The following CCDC7 variants were observed in gnomAD, a reference collection of about 807,000 sequenced individuals.
The protein encoded by CCDC7 is coiled-coil domain-containing protein 7.
In CCDC7, 183 loss-of-function variants were observed where a neutral mutation model predicts 196.9. The ratio of observed to expected loss-of-function variants is 0.93; its 90% confidence interval spans 0.82 to 1.05. The LOEUF (loss-of-function observed/expected upper bound fraction) is 1.05. Ranked by LOEUF, CCDC7 falls within the 50% of genes least tolerant of loss-of-function variation. The probability of loss-of-function intolerance (pLI) is 0.00; values close to 1 mark genes in which losing one functional copy is unlikely to be tolerated. For missense variants in CCDC7, 1,540 were observed against 1,482.2 expected, an observed-to-expected ratio of 1.04 and a Z score of -0.64; for synonymous variants, 525 against 484.6, an observed-to-expected ratio of 1.08 and a Z score of -1.10.
rs117084461 is a variant in CCDC7, at chr10:32,460,643, G to A, written c.457-2040G>A. Among the ~76,000 whole-genome samples the A allele has an allele frequency of 7.9e-3, 1,210 of 152,202 alleles. 6 individuals carry two copies. The highest frequency in any genetic ancestry group is 0.02 in the Middle Eastern group (6 of 294). ...GTGGACATTATTTCTAAACACTTAC[G>A]TAGCTGAAAATATTTTTCTTCTGAC... is the stretch of plus-strand genomic sequence containing the variant. On this transcript the variant is annotated intron_variant, in intron 3 of 41. Transcript: ENST00000639629.
At chr10:32,788,475 T>C (rs2082199582) in intron 29 of CCDC7, among the ~76,000 whole-genome samples, 1 of 152,168 alleles carries the variant, frequency 6.6e-6, no homozygotes, top group Non-Finnish European at 1.5e-5. Flanking sequence ...CAGATACTGG[T>C]ACAGGCCTGC....
chr10:32,713,716 C>G (rs995748664), intron 25 of CCDC7, among the ~76,000 whole-genome samples: 2 of 152,200 alleles, frequency 1.3e-5, no homozygotes, highest in Admixed American at 1.3e-4. Context: ...TGTTTGGTGA[C>G]CAATCTCATA....
chr10:32,823,050 C>T (rs1206999199), intron 31 of CCDC7, among the ~76,000 whole-genome samples: 1 of 152,132 alleles, frequency 6.6e-6, no homozygotes, highest in Non-Finnish European at 1.5e-5. Context: ...AGCTGAAATA[C>T]ATCTGTTAAT....
intron 21 of CCDC7, among the ~76,000 whole-genome samples, chr10:32,669,283 C>T (rs1054419581): frequency 3.9e-5 from 6 of 151,966 alleles, no homozygotes; most frequent in Non-Finnish European, 8.8e-5. Flanking sequence ...AATGTGCTGT[C>T]GAATTTAGTT....
chr10:32,566,771 G>T (rs933233092), intron 14 of CCDC7, among the ~76,000 whole-genome samples: 1 of 151,022 alleles, frequency 6.6e-6, no homozygotes, highest in Admixed American at 6.6e-5. Flanking sequence ...AACTGACTGG[G>T]TGTGGTGGTG....
At chr10:32,839,560 C>G (rs377120752) in intron 33 of CCDC7, among the ~76,000 whole-genome samples, 60 of 151,924 alleles carry the variant, frequency 3.9e-4, no homozygotes, top group African/African-American at 1.4e-3. Flanking sequence ...TAGTGGGGGA[C>G]TTTAATACTC....
intron 8 of CCDC7, among the ~76,000 whole-genome samples, chr10:32,486,817 G>A (rs2041194693): frequency 6.6e-6 from 1 of 151,168 alleles, no homozygotes; most frequent in East Asian, 2.0e-4. Flanking sequence ...TTGAATATTG[G>A]CCCCCACTCT....
At chr10:32,646,704 T>C (rs960718964) in intron 20 of CCDC7, among the ~76,000 whole-genome samples, 1 of 152,248 alleles carries the variant, frequency 6.6e-6, no homozygotes, top group African/African-American at 2.4e-5. Flanking sequence ...GTAAGCATAG[T>C]ACTACATAGG....
intron 24 of CCDC7, among the ~76,000 whole-genome samples, chr10:32,696,704 G>T (rs537490191): frequency 6.6e-6 from 1 of 152,132 alleles, no homozygotes; most frequent in South Asian, 2.1e-4. Context: ...AGTCCTTATT[G>T]TTGGGTAACC....
intron 28 of CCDC7, among the ~76,000 whole-genome samples, chr10:32,772,725 T>A (rs1220474320): frequency 6.6e-6 from 1 of 152,178 alleles, no homozygotes; most frequent in Admixed American, 6.5e-5. Context: ...CTGCTCCTAC[T>A]TTTATATTCC....
At chr10:32,508,081 T>C in intron 9 of CCDC7, among the ~76,000 whole-genome samples, 1 of 152,140 alleles carries the variant, frequency 6.6e-6, no homozygotes, top group East Asian at 1.9e-4. Context: ...ATAGAAGAAG[T>C]AAAATCATGT....
chr10:32,811,587 T>A (rs897808033), intron 30 of CCDC7, among the ~76,000 whole-genome samples: 2 of 151,938 alleles, frequency 1.3e-5, no homozygotes, highest in African/African-American at 4.8e-5. Flanking sequence ...TAGAGAGAGG[T>A]CTAGAAATGT....
intron 11 of CCDC7, among the ~76,000 whole-genome samples, chr10:32,526,333 T>A (rs1358968320): frequency 6.6e-6 from 1 of 152,132 alleles, no homozygotes; most frequent in Non-Finnish European, 1.5e-5. Flanking sequence ...CTGGCCCAGG[T>A]AAGGTCCAGA....
At position 32,640,269 on chromosome 10, in the gene CCDC7, TA is replaced by T. The variant is rs958615548; in HGVS notation, c.2014+5114del. 5.6e-4 allele frequency among the ~76,000 whole-genome samples: 85 copies of T among 152,332 alleles called. No individual in the cohort carries two copies. The Middle Eastern group carries it at 0.014, about 24-fold the overall frequency. On this transcript the variant is annotated intron_variant, in intron 20 of 41. Transcript: ENST00000639629. Reference sequence around the variant, plus strand: ...ATTTAGGATAGTCAGCTCTTCTTGTTAAATTGATCCCTTTACCATTATGTAA... The same window carrying T: ...ATTTAGGATAGTCAGCTCTTCTTGTTAATTGATCCCTTTACCATTATGTAA...
chr10:32,709,414 A>G (rs1300783066), intron 24 of CCDC7, among the ~76,000 whole-genome samples: 1 of 152,150 alleles, frequency 6.6e-6, no homozygotes, highest in Non-Finnish European at 1.5e-5. Flanking sequence ...GCACATGTAT[A>G]CATATGTAAT....
At chr10:32,670,006 T>C (rs903275340) in intron 21 of CCDC7, among the ~76,000 whole-genome samples, 6 of 152,136 alleles carry the variant, frequency 3.9e-5, no homozygotes, top group African/African-American at 4.8e-5. Context: ...GATGATCAAA[T>C]GTCTATTACA....
chr10:32,743,987 G>A (rs2074253373), intron 28 of CCDC7, among the ~76,000 whole-genome samples: 4 of 116,242 alleles, frequency 3.4e-5, no homozygotes, highest in Non-Finnish European at 6.8e-5. Context: ...GGGGCCTGTT[G>A]TGGGGTGGGG....
chr10:32,685,846 T>C (rs2076406052), intron 21 of CCDC7, 124 bp from the exon 23 acceptor site: 1 of 575,574 alleles, frequency 1.7e-6, no homozygotes, highest in African/African-American at 2.0e-5. Context: ...TATTGTAATT[T>C]AGTTATAACT....
intron 8 of CCDC7, among the ~76,000 whole-genome samples, chr10:32,481,192 C>T (rs891717620): frequency 6.6e-6 from 1 of 152,172 alleles, no homozygotes; most frequent in Non-Finnish European, 1.5e-5. Flanking sequence ...GGAGTATCTA[C>T]TTAACATCCC....
Sources: allele counts gnomAD v4.1 joint callset (sites outside exome capture counted in the v4.1 genomes callset), GRCh38; gene constraint gnomAD v4.1.1; transcripts MANE v1.5; gene names NCBI Gene and HGNC (gene_info 2026-07-23, HGNC 2026-07-21).